CADM1: variants seen among roughly 807,000 people sequenced by gnomAD.
CADM1 encodes TSLC-1.
Under a neutral mutation model 53.1 loss-of-function variants are expected in CADM1, and 15 were observed. That is an observed-to-expected ratio of 0.28 (90% confidence interval 0.19 to 0.44). CADM1 has a LOEUF of 0.44. Ranked by LOEUF, CADM1 falls within the 20% of genes least tolerant of loss-of-function variation. The pLI, the probability that CADM1 is intolerant of heterozygous loss-of-function variation, is 1.00. For synonymous variants in CADM1, 281 were observed against 243.0 expected (o/e 1.16, Z -1.45); for missense variants, 434 against 611.3 (o/e 0.71, Z 3.06).
At chr11:115,253,028 A>G (rs1451549256) in intron 1 of CADM1, among the ~76,000 whole-genome samples, 6 of 152,196 alleles carry the variant, frequency 3.9e-5, no homozygotes, top group Non-Finnish European at 8.8e-5. Flanking sequence ...CACTGGAAAA[A>G]GAATTGTCTT....
chr11:115,245,524 T>G (rs1180321255), intron 1 of CADM1, among the ~76,000 whole-genome samples: 1 of 152,196 alleles, frequency 6.6e-6, no homozygotes, highest in African/African-American at 2.4e-5. Flanking sequence ...CTCATTTCTG[T>G]TGGATACTAT....
At chr11:115,237,001 GATTTT>G (rs796208996) in intron 3 of CADM1, among the ~76,000 whole-genome samples, 4 of 152,248 alleles carry the variant, frequency 2.6e-5, no homozygotes, top group Non-Finnish European at 2.9e-5. Context: ...GCCATAAATA[GATTTT>G]ATTTTATGAC....
intron 1 of CADM1, among the ~76,000 whole-genome samples, chr11:115,392,245 T>C (rs1474291230): frequency 6.6e-6 from 1 of 152,148 alleles, no homozygotes; most frequent in Non-Finnish European, 1.5e-5. Flanking sequence ...ATATGTTCTA[T>C]GCAGGGGGAG....
At chr11:115,306,998 T>C (rs1944392517) in intron 1 of CADM1, among the ~76,000 whole-genome samples, 1 of 151,924 alleles carries the variant, frequency 6.6e-6, no homozygotes, top group Admixed American at 6.6e-5. Context: ...CAGGGTAGCA[T>C]GGAGTGAGTG....
intron 1 of CADM1, among the ~76,000 whole-genome samples, chr11:115,344,152 T>A (rs1485865009): frequency 3.2e-5 from 1 of 31,200 alleles, no homozygotes; most frequent in South Asian, 1.8e-3. Context: ...CAGTTCAGCA[T>A]TGATATGGAC....
intron 1 of CADM1, among the ~76,000 whole-genome samples, chr11:115,339,161 T>C (rs1276425855): frequency 6.6e-5 from 10 of 150,956 alleles, no homozygotes; most frequent in Non-Finnish European, 3.0e-5. Context: ...TTTTTTGTTC[T>C]TGCGATAGTT....
chr11:115,393,558 G>GAA (rs35434663), intron 1 of CADM1, among the ~76,000 whole-genome samples: 46 of 140,134 alleles, frequency 3.3e-4, no homozygotes, highest in South Asian at 1.8e-3. Flanking sequence ...AACAGTATCT[G>GAA]AAAAAAAAAA....
chr11:115,375,069 A>C (rs946300673), intron 1 of CADM1, among the ~76,000 whole-genome samples: 10 of 152,176 alleles, frequency 6.6e-5, no homozygotes, highest in African/African-American at 2.4e-4. Context: ...TACATACTGA[A>C]ATCTTGATGG....
intron 1 of CADM1, among the ~76,000 whole-genome samples, chr11:115,300,863 C>T (rs1439147223): frequency 6.6e-6 from 1 of 152,024 alleles, no homozygotes; most frequent in Non-Finnish European, 1.5e-5. Context: ...CTACATTTGT[C>T]CTAGTAAAGC....
At chr11:115,184,439 T>C (rs939114528) in intron 10 of CADM1, among the ~76,000 whole-genome samples, 25 of 152,220 alleles carry the variant, frequency 1.6e-4, no homozygotes, top group African/African-American at 5.5e-4. Context: ...CCAATTCAAT[T>C]ATAGATGCTA....
In CADM1 at chr11:115,288,040, A is replaced by G. The variant is rs200670586; in HGVS notation, c.125-47620T>C. ...ATAGGGTGGTCAGCAAGGCCTTGTG[A>G]TGAAATGACATTCTGTGTGAAGAAA... On this transcript the variant is annotated intron_variant, in intron 1 of 11. Transcript: ENST00000331581. Among the ~76,000 whole-genome samples the G allele has an allele frequency of 2.2e-4, 34 of 152,292 alleles. 1 individual carries two copies. The East Asian group carries it at 6.6e-3, about 29-fold the overall frequency.
At chr11:115,206,304 TA>T (rs988687840) in intron 8 of CADM1, among the ~76,000 whole-genome samples, 10 of 152,334 alleles carry the variant, frequency 6.6e-5, no homozygotes, top group African/African-American at 2.4e-4. Flanking sequence ...TCTCCCTAGA[TA>T]AGGCCACATT....
chr11:115,453,388 A>C (rs75331964), intron 1 of CADM1, among the ~76,000 whole-genome samples: 1 of 71,282 alleles, frequency 1.4e-5, no homozygotes, highest in East Asian at 2.9e-4. Flanking sequence ...AAAAAAAACC[A>C]AAAAAAAAAA....
intron 1 of CADM1, among the ~76,000 whole-genome samples, chr11:115,253,317 T>C (rs952540873): frequency 3.3e-5 from 5 of 152,186 alleles, no homozygotes; most frequent in Non-Finnish European, 5.9e-5. Context: ...TAGGACTAAG[T>C]GCATGAGCTT....
intron 1 of CADM1, among the ~76,000 whole-genome samples, chr11:115,369,258 G>C (rs1009458037): frequency 1.3e-5 from 2 of 151,938 alleles, no homozygotes; most frequent in African/African-American, 4.8e-5. Context: ...ATATCTCCAA[G>C]GGCACCTTCA....
chr11:115,305,300 G>A, intron 1 of CADM1, among the ~76,000 whole-genome samples: 1 of 151,944 alleles, frequency 6.6e-6, no homozygotes. Flanking sequence ...TTCCAGCTCA[G>A]ACAAGTATCT....
chr11:115,365,043 T>C (rs1275052110), intron 1 of CADM1, among the ~76,000 whole-genome samples: 1 of 152,198 alleles, frequency 6.6e-6, no homozygotes, highest in Non-Finnish European at 1.5e-5. Flanking sequence ...ATTCCCTCTG[T>C]AGAACATGCC....
chr11:115,439,290 G>A lies in CADM1; in HGVS notation c.124+64981C>T, dbSNP rs117930512. Reference sequence around the variant, plus strand: ...ACAGAAGAAATTCCTGTTCCTAAACGTTTCATGTCATGGCATTTCAAGAAG... The same window carrying A: ...ACAGAAGAAATTCCTGTTCCTAAACATTTCATGTCATGGCATTTCAAGAAG... On this transcript the variant is annotated intron_variant, in intron 1 of 11. Coordinates refer to ENST00000331581, the MANE Select transcript of CADM1 (RefSeq NM_001301043.2). 7.5e-4 allele frequency among the ~76,000 whole-genome samples: 114 copies of A among 152,240 alleles called. No homozygotes were observed. The East Asian group carries it at 8.9e-3, about 12-fold the overall frequency.
intron 1 of CADM1, among the ~76,000 whole-genome samples, chr11:115,286,035 C>T (rs1449503345): frequency 6.6e-6 from 1 of 152,116 alleles, no homozygotes. Context: ...GCCACAGACA[C>T]CTGTCAATCG....
Sources: allele counts gnomAD v4.1 joint callset (sites outside exome capture counted in the v4.1 genomes callset), GRCh38; gene constraint gnomAD v4.1.1; transcripts MANE v1.5; gene names NCBI Gene and HGNC (gene_info 2026-07-23, HGNC 2026-07-21).